The following VRK2 variants were observed in gnomAD, a reference collection of about 807,000 sequenced individuals.
VRK2 encodes the protein VRK serine/threonine kinase 2, also known as serine/threonine-protein kinase VRK2.
Under a neutral mutation model 57.6 loss-of-function variants are expected in VRK2, and 60 were observed. That is an observed-to-expected ratio of 1.04 (90% CI 0.85 to 1.29). The LOEUF (loss-of-function observed/expected upper bound fraction) is 1.29, where lower values mean the gene tolerates loss of function less well. Ranked by LOEUF, VRK2 falls within the 50% of genes most tolerant of loss-of-function variation. VRK2 has a pLI of 0.00. For synonymous variants in VRK2, 231 were observed against 199.2 expected (o/e 1.16, Z -1.35); for missense variants, 705 against 588.1 (o/e 1.20, Z -2.06).
At chr2:57,929,615 C>G (rs573298089) in intron 1 of VRK2, among the ~76,000 whole-genome samples, 5 of 152,066 alleles carry the variant, frequency 3.3e-5, no homozygotes, top group Non-Finnish European at 5.9e-5. Context: ...CTCTCCTTTT[C>G]CCAAACAGAA....
At chr2:58,123,627 T>G (rs2104494913) in intron 8 of VRK2, among the ~76,000 whole-genome samples, 1 of 152,204 alleles carries the variant, frequency 6.6e-6, no homozygotes, top group Non-Finnish European at 1.5e-5. Context: ...TTTGGGAGGC[T>G]GAGGCAGGAG....
chr2:58,116,822 A>C (rs1676583731), intron 7 of VRK2, among the ~76,000 whole-genome samples: 2 of 152,176 alleles, frequency 1.3e-5, no homozygotes, highest in South Asian at 2.1e-4. Flanking sequence ...CTTAGGAGGA[A>C]TCCTGGGCTG....
At chr2:58,080,051 C>G (rs1424596884) in intron 2 of VRK2, among the ~76,000 whole-genome samples, 1 of 151,860 alleles carries the variant, frequency 6.6e-6, no homozygotes, top group Non-Finnish European at 1.5e-5. Context: ...GCCTGAGGCT[C>G]TATTTTAGGT....
At chr2:58,068,344 G>T (rs942307763) in intron 2 of VRK2, among the ~76,000 whole-genome samples, 4 of 152,062 alleles carry the variant, frequency 2.6e-5, no homozygotes, top group African/African-American at 9.7e-5. Flanking sequence ...CTGGATGTTG[G>T]ATTGATAATT....
At chr2:57,938,695 T>C (rs73942239) in intron 1 of VRK2, among the ~76,000 whole-genome samples, 13,294 of 152,044 alleles carry the variant, frequency 0.087, 989 homozygotes, top group African/African-American at 0.2. Context: ...AGCCTGTTTC[T>C]CTCATAAACA....
chr2:57,931,657 G>A (rs1670728807), intron 1 of VRK2, among the ~76,000 whole-genome samples: 1 of 151,904 alleles, frequency 6.6e-6, no homozygotes, highest in Non-Finnish European at 1.5e-5. Context: ...TGTCACCTGT[G>A]GTTTTGGTAT....
At chr2:57,920,174 C>T (rs1021040409) in intron 1 of VRK2, among the ~76,000 whole-genome samples, 4 of 152,016 alleles carry the variant, frequency 2.6e-5, no homozygotes, top group African/African-American at 9.7e-5. Context: ...CAAAGAGAAG[C>T]TTATCAAATA....
intron 1 of VRK2, among the ~76,000 whole-genome samples, chr2:57,917,204 T>C (rs1558491279): frequency 6.6e-6 from 1 of 152,122 alleles, no homozygotes; most frequent in Non-Finnish European, 1.5e-5. Flanking sequence ...TTTGTTGAAA[T>C]ACAAGAAACA....
intron 2 of VRK2, among the ~76,000 whole-genome samples, chr2:58,072,095 A>G (rs568073217): frequency 6.6e-6 from 1 of 152,138 alleles, no homozygotes; most frequent in East Asian, 1.9e-4. Flanking sequence ...ATTTAAGAAA[A>G]AAACTGACTT....
chr2:58,076,928 G>A (rs1670198861), intron 2 of VRK2, among the ~76,000 whole-genome samples: 1 of 151,818 alleles, frequency 6.6e-6, no homozygotes, highest in Non-Finnish European at 1.5e-5. Flanking sequence ...GCCCTAAATG[G>A]TGATATATTA....
chr2:58,086,415 C>G lies in VRK2; in HGVS notation c.333C>G (p.Phe111Leu). 6.3e-7 allele frequency: 1 copy of G among 1,591,948 alleles called. No homozygotes were observed. Among genetic ancestry groups the G allele is most frequent in the Non-Finnish European group, 8.5e-7 (1 of 1,172,852 alleles). Residue 111 changes from phenylalanine to leucine, a missense_variant, in exon 5 of 13, where the codon TTC becomes TTG. By Grantham distance (22) the Phe-to-Leu change is conservative (BLOSUM62 0). Transcript: ENST00000340157. ...PLFYGSGLTE[F>L]KGRSYRFMVM... ...TTTATGGATCTGGTCTGACTGAATT[C>G]AAGGGAAGAAGGTAAAATGGAATTA...
chr2:58,037,996 C>T (rs1674328239), intron 3 of VRK2, among the ~76,000 whole-genome samples: 1 of 152,094 alleles, frequency 6.6e-6, no homozygotes, highest in Non-Finnish European at 1.5e-5. Context: ...TCATTGCCTG[C>T]TACATGCCAA....
At chr2:58,136,367 A>G (rs1231356649) in intron 10 of VRK2, among the ~76,000 whole-genome samples, 8 of 150,852 alleles carry the variant, frequency 5.3e-5, no homozygotes, top group Admixed American at 2.6e-4. Flanking sequence ...GTACTCCTTT[A>G]TGGCTAATAT....
chr2:58,121,979 G>A (rs1161688807), intron 7 of VRK2, among the ~76,000 whole-genome samples: 1 of 152,150 alleles, frequency 6.6e-6, no homozygotes. Flanking sequence ...CTCTCCAAAA[G>A]TAATCTGAGG....
At chr2:57,954,768 A>C (rs1003222332) in intron 1 of VRK2, among the ~76,000 whole-genome samples, 3 of 152,158 alleles carry the variant, frequency 2.0e-5, no homozygotes, top group Admixed American at 1.3e-4. Flanking sequence ...CTTGAAATGT[A>C]TCTCAATATG....
chr2:57,980,511 C>A (rs983993961), intron 1 of VRK2, among the ~76,000 whole-genome samples: 1 of 152,034 alleles, frequency 6.6e-6, no homozygotes, highest in Admixed American at 6.6e-5. Flanking sequence ...TATATAAATT[C>A]TCTTGTTGGG....
chr2:58,048,483 A>G, intron 1 of VRK2: 3 of 1,102,868 alleles, frequency 2.7e-6, no homozygotes, highest in South Asian at 1.4e-5. Flanking sequence ...CATGAAATTT[A>G]TTTTCTTTCT....
intron 1 of VRK2, among the ~76,000 whole-genome samples, chr2:58,023,722 T>C (rs1442382923): frequency 1.3e-5 from 2 of 152,148 alleles, no homozygotes; most frequent in Non-Finnish European, 2.9e-5. Context: ...CAGTCAAAGA[T>C]ACACATTAGA....
intron 1 of VRK2, among the ~76,000 whole-genome samples, chr2:58,011,331 G>C (rs1344377662): frequency 6.6e-6 from 1 of 152,162 alleles, no homozygotes; most frequent in African/African-American, 2.4e-5. Flanking sequence ...GTTTTAGTTA[G>C]AAATATTAAT....
Sources: gnomAD v4.1 joint callset for allele counts (sites outside exome capture counted in the v4.1 genomes callset) on GRCh38, gnomAD v4.1.1 for gene constraint, MANE v1.5 for transcripts, NCBI Gene and HGNC (gene_info 2026-07-23, HGNC 2026-07-21) for gene names.